The following DRC10 variants were observed in gnomAD, a reference collection of about 807,000 sequenced individuals.
DRC10 encodes the protein dynein regulatory complex subunit 10, also known as IQ domain-containing protein D.
At chr12:113,201,685 C>T in the DRC10 span, among the ~76,000 whole-genome samples, 1 of 152,214 alleles carries the variant, frequency 6.6e-6, no homozygotes, top group Non-Finnish European at 1.5e-5. Flanking sequence ...GCTCTCAAGG[C>T]TTCTCACTAC....
At chr12:113,207,501 G>A in the DRC10 span, 9 of 1,613,860 alleles carry the variant, frequency 5.6e-6, no homozygotes, top group African/African-American at 2.7e-5. Flanking sequence ...TGATTTGTTG[G>A]TTATTACTAT....
the DRC10 span, among the ~76,000 whole-genome samples, chr12:113,217,700 T>C: frequency 4.1e-4 from 62 of 152,228 alleles, no homozygotes; most frequent in African/African-American, 1.2e-3. Context: ...CTTGGCTAAT[T>C]TTTACGTTTT....
At chr12:113,220,555 A>AAAC in the DRC10 span, among the ~76,000 whole-genome samples, 596 of 152,212 alleles carry the variant, frequency 3.9e-3, 7 homozygotes, top group African/African-American at 0.013. Context: ...TGCTCGGCAA[A>AAAC]AACAACAACA....
the DRC10 span, chr12:113,195,709 G>C: frequency 2.5e-6 from 4 of 1,613,824 alleles, no homozygotes; most frequent in South Asian, 4.4e-5. Flanking sequence ...GCCTGGATGA[G>C]CGTGGCCGCC....
At chr12:113,216,810 G>A in the DRC10 span, among the ~76,000 whole-genome samples, 1 of 152,178 alleles carries the variant, frequency 6.6e-6, no homozygotes, top group African/African-American at 2.4e-5. Context: ...GCTCACTCCT[G>A]TAATCTTTGG....
At chr12:113,200,556 C>T in the DRC10 span, 1 of 1,509,082 alleles carries the variant, frequency 6.6e-7, no homozygotes, top group Admixed American at 2.0e-5. Flanking sequence ...CCCCTCGGCC[C>T]ATCCTCGCTG....
chr12:113,212,763 G>C, the DRC10 span, among the ~76,000 whole-genome samples: 2 of 152,140 alleles, frequency 1.3e-5, no homozygotes, highest in Non-Finnish European at 2.9e-5. Context: ...AAAATGACTG[G>C]AGAATCTCTT....
At chr12:113,195,730 G>A in the DRC10 span, 17 of 1,613,724 alleles carry the variant, frequency 1.1e-5, no homozygotes, top group African/African-American at 2.7e-5. Flanking sequence ...CGTACCATGC[G>A]CACCATCTCC....
At chr12:113,199,401 T>TAAAG in the DRC10 span, among the ~76,000 whole-genome samples, 1 of 149,620 alleles carries the variant, frequency 6.7e-6, no homozygotes, top group Non-Finnish European at 1.5e-5. Context: ...GTCTCAAACA[T>TAAAG]AAATAAATAA....
At chr12:113,205,749 C>T in the DRC10 span, among the ~76,000 whole-genome samples, 2 of 147,562 alleles carry the variant, frequency 1.4e-5, no homozygotes, top group South Asian at 2.2e-4. Flanking sequence ...ATTAGCCGGG[C>T]GCGGTGGCGG....
the DRC10 span, chr12:113,197,553 C>T: frequency 2.0e-6 from 3 of 1,532,508 alleles, no homozygotes; most frequent in Admixed American, 3.9e-5. Flanking sequence ...GCTTCTCACC[C>T]ATCTCTGTAT....
At chr12:113,213,143 T>G in the DRC10 span, among the ~76,000 whole-genome samples, 48 of 87,654 alleles carry the variant, frequency 5.5e-4, no homozygotes, top group Non-Finnish European at 9.1e-4. Flanking sequence ...ACCCTACAAA[T>G]CCAAACTGGC....
the DRC10 span, among the ~76,000 whole-genome samples, chr12:113,202,014 A>G: frequency 6.6e-6 from 1 of 152,188 alleles, no homozygotes; most frequent in African/African-American, 2.4e-5. Context: ...AGGTCAGTCC[A>G]AGGTGAAGCC....
At chr12:113,207,059 C>T in the DRC10 span, 1 of 353,528 alleles carries the variant, frequency 2.8e-6, no homozygotes, top group East Asian at 7.5e-5. Flanking sequence ...GACCCTGTCT[C>T]AAAAAAATCA....
At chr12:113,211,951 G>A in the DRC10 span, among the ~76,000 whole-genome samples, 6 of 150,918 alleles carry the variant, frequency 4.0e-5, no homozygotes, top group Non-Finnish European at 8.9e-5. Flanking sequence ...TGTAGTCCCC[G>A]CTATTTGGGG....
the DRC10 span, among the ~76,000 whole-genome samples, chr12:113,213,697 G>A: frequency 6.6e-6 from 1 of 152,230 alleles, no homozygotes; most frequent in African/African-American, 2.4e-5. Flanking sequence ...AGTGGCCCAC[G>A]CCTGTAATGC....
At chr12:113,212,657 T>C in the DRC10 span, among the ~76,000 whole-genome samples, 3 of 152,252 alleles carry the variant, frequency 2.0e-5, no homozygotes, top group Non-Finnish European at 2.9e-5. Flanking sequence ...TCTTTGATTA[T>C]GATGACACCC....
chr12:113,207,661 A>G, the DRC10 span: 1 of 1,614,158 alleles, frequency 6.2e-7, no homozygotes. Context: ...CTGCATCTGC[A>G]GGAGCCTAGC....
the DRC10 span, among the ~76,000 whole-genome samples, chr12:113,220,678 C>G: frequency 6.6e-6 from 1 of 152,100 alleles, no homozygotes. Context: ...TTATAAACTC[C>G]CCTCCCACCC....
Sources: allele counts gnomAD v4.1 joint callset (sites outside exome capture counted in the v4.1 genomes callset), GRCh38; gene constraint gnomAD v4.1.1; transcripts MANE v1.5; gene names NCBI Gene and HGNC (gene_info 2026-07-23, HGNC 2026-07-21).